MSANTD1: variants seen among roughly 807,000 people sequenced by gnomAD.
MSANTD1 encodes Myb/SANT DNA binding domain containing 1.
MSANTD1 carries 7 observed loss-of-function variants against 24.2 expected under a neutral mutation model. The observed-to-expected ratio is 0.29, with a 90% CI of 0.16 to 0.54. MSANTD1 has a LOEUF of 0.54. MSANTD1 is among the 20% of genes least tolerant of loss of function. MSANTD1 has a pLI of 0.94. For missense variants in MSANTD1, 384 were observed against 408.2 expected (o/e 0.94, Z 0.51); for synonymous variants, 177 against 181.1 (o/e 0.98, Z 0.18).
chr4:3,255,715 G>A lies in MSANTD1; in HGVS notation c.597-10G>A. ...GGCCAGCACGTCCACAGCCGGCACT[G>A]TCCTTCCAGGTCGGAGGAGCGGCCG... On this transcript the variant is annotated splice_polypyrimidine_tract_variant and intron_variant, in intron 2 of 2. Coordinates refer to ENST00000438480, the MANE Select transcript of MSANTD1 (RefSeq NM_001042690.2). The A allele has an allele frequency of 6.5e-7, 1 of 1,530,916 alleles. No homozygotes were observed. 94.8% of individuals were successfully genotyped at this position (1,530,916 alleles called of 1,614,324 possible).
Position 3,256,139 on chromosome 4 carries a change from C to G in MSANTD1, c.*174C>G. The G allele has an allele frequency of 2.7e-6, 2 of 729,408 alleles. No individual in the cohort carries two copies. The highest frequency in any genetic ancestry group is 4.1e-6 in the Non-Finnish European group (2 of 488,292). The allele number at this position is 729,408 out of a possible 1,614,324, so 45.2% of individuals were successfully genotyped here. ...AGGGGTATTTTGAGGAACCCCCAGG[C>G]CCTGGGGACCGTGAGGCTCCAGTCT... On this transcript the variant is annotated 3_prime_UTR_variant, in exon 3 of 3. Transcript: ENST00000438480.
intron 1 of MSANTD1, among the ~76,000 whole-genome samples, chr4:3,251,858 AAGT>A (rs998596776): frequency 6.6e-6 from 1 of 152,108 alleles, no homozygotes; most frequent in African/African-American, 2.4e-5. Flanking sequence ...GGGCTGGCTC[AAGT>A]AGGGCAGAGA....
At chr4:3,255,643 G>A in intron 2 of MSANTD1, 82 bp from the exon 3 acceptor site, 1 of 1,428,926 alleles carries the variant, frequency 7.0e-7, no homozygotes, top group Non-Finnish European at 9.2e-7. Context: ...TGCCCAGTAG[G>A]ATTGTCGGGA....
intron 2 of MSANTD1, among the ~76,000 whole-genome samples, chr4:3,253,992 A>G (rs951310285): frequency 3.9e-5 from 6 of 151,992 alleles, no homozygotes; most frequent in Non-Finnish European, 8.8e-5. Flanking sequence ...TCTGCCATCC[A>G]TCCCACACCT....
At chr4:3,254,044 T>C (rs1476589293) in intron 2 of MSANTD1, among the ~76,000 whole-genome samples, 2 of 152,206 alleles carry the variant, frequency 1.3e-5, no homozygotes, top group Non-Finnish European at 1.5e-5. Flanking sequence ...GCCTGCAAGA[T>C]GCTCACAGGG....
chr4:3,253,424 G>A lies in MSANTD1; in HGVS notation c.538G>A (p.Gly180Ser). 6.3e-7 allele frequency: 1 copy of A among 1,593,286 alleles called. No homozygotes were observed. The highest frequency in any genetic ancestry group is 1.1e-5 in the South Asian group (1 of 87,248). The change falls in exon 2 of 3, where the codon GGC becomes AGC. Residue 180 changes from glycine (G) to serine (S), a missense_variant. Transcript: ENST00000438480. The stretch of plus-strand genomic sequence containing the variant: ...CCCGTATAACCAGTGCTCCTACGAA[G>A]GCCGCTTCGAGGATGATCGCTCCGA... ...YFPYNQCSYEGRFEDDRSDSS... is the reference protein window; with the variant it reads ...YFPYNQCSYESRFEDDRSDSS...
rs149691891 is a variant in MSANTD1 at position 3,250,333 on chromosome 4, C to T, written c.320+791C>T. Among the ~76,000 whole-genome samples the T allele has an allele frequency of 3.4e-3, 522 of 152,282 alleles. 1 individual carries two copies. The highest frequency in any genetic ancestry group is 6.8e-3 in the Middle Eastern group (2 of 294). ...CTGCAGGGAAGGCCGGAGGGGACCACCCAGCCAGGGAGATGTTGGCGTCTA... is the reference window on the plus strand; with the variant it reads ...CTGCAGGGAAGGCCGGAGGGGACCATCCAGCCAGGGAGATGTTGGCGTCTA... On this transcript the variant is annotated intron_variant, in intron 1 of 2. Transcript: ENST00000438480.
At chr4:3,252,645 A>G (rs2110321346) in intron 1 of MSANTD1, among the ~76,000 whole-genome samples, 1 of 152,360 alleles carries the variant, frequency 6.6e-6, no homozygotes. Context: ...AACCTGCCCA[A>G]AGTCACACAG....
Position 3,249,338 on chromosome 4 carries a change from A to G in MSANTD1, c.116A>G (p.Lys39Arg). Residue 39 changes from lysine to arginine, a missense_variant, in exon 1 of 3, where the codon AAG (lysine) becomes AGG (arginine). By Grantham distance (26) the Lys-to-Arg change is conservative (BLOSUM62 2). Transcript: ENST00000438480. ...TACCTCGTGTCTCCCCAGGCGGAGAAGCACCGGCGGGCCCGCAACTGGACG... is the reference window on the plus strand; with the variant it reads ...TACCTCGTGTCTCCCCAGGCGGAGAGGCACCGGCGGGCCCGCAACTGGACG... ...PGYLVSPQAE[K>R]HRRARNWTDA... The G allele has an allele frequency of 2.6e-6, 4 of 1,556,606 alleles. 1 individual carries two copies. In the South Asian group the frequency reaches 4.7e-5, roughly 18 times the overall value.
At chr4:3,251,042 G>A (rs1251670663) in intron 1 of MSANTD1, among the ~76,000 whole-genome samples, 1 of 152,250 alleles carries the variant, frequency 6.6e-6, no homozygotes, top group Non-Finnish European at 1.5e-5. Flanking sequence ...CGGGACCTAG[G>A]GTGCTGAGCA....
upstream of MSANTD1, chr4:3,246,571 C>G (rs1249168039): frequency 4.7e-6 from 3 of 643,632 alleles, no homozygotes; most frequent in Non-Finnish European, 8.4e-6. Context: ...CGAGGCCTGA[C>G]CTGCCCCTTC....
At chr4:3,244,769 T>C (rs919326568), upstream of MSANTD1, 2 of 152,278 alleles carry the variant, frequency 1.3e-5, no homozygotes, top group African/African-American at 4.8e-5. Context: ...TTCTGGCTAA[T>C]TGGCAGGGGT....
upstream of MSANTD1, chr4:3,249,142 C>G: frequency 7.9e-7 from 1 of 1,258,482 alleles, no homozygotes; most frequent in Non-Finnish European, 1.0e-6. Context: ...AAGCTTTTAA[C>G]TAAATTCCTG....
At chr4:3,255,592 GAGTA>G in intron 2 of MSANTD1, 129 bp from the exon 3 acceptor site, 1 of 1,206,092 alleles carries the variant, frequency 8.3e-7, no homozygotes, top group Non-Finnish European at 1.1e-6. Flanking sequence ...ATGAGACCCT[GAGTA>G]AGTGACCTGA....
upstream of MSANTD1, chr4:3,246,512 C>T (rs1722032478): frequency 2.2e-5 from 12 of 546,468 alleles, no homozygotes; most frequent in Non-Finnish European, 3.6e-5. Flanking sequence ...AGCCTGAGCC[C>T]AGCAGGGCCC....
At chr4:3,246,800 G>A, upstream of MSANTD1, 1 of 579,064 alleles carries the variant, frequency 1.7e-6, no homozygotes, top group East Asian at 3.1e-5. Flanking sequence ...TGAGGGCTCT[G>A]CCTCGGGAAA....
rs767420976 is a variant in MSANTD1 at position 3,249,279 on chromosome 4, C to G, written c.57C>G (p.Gly19=). 4 of 1,515,768 alleles carry G rather than the reference C, an allele frequency of 2.6e-6. No homozygotes were observed. In the African/African-American group the frequency reaches 4.1e-5, roughly 16 times the overall value. The allele number at this position is 1,515,768 out of a possible 1,614,324, so 93.9% of individuals were successfully genotyped here. A position where few individuals can be genotyped will look rare whatever the true frequency, so the allele number is the denominator to read the frequency against. ...PSLSALSHPT[G]ASGMAAAEGP... is the part of the protein sequence containing the mutation. Reference sequence around the variant, plus strand: ...TGAGCGCGCTCTCTCACCCCACAGGCGCCTCCGGCATGGCGGCGGCCGAGG... The same window carrying G: ...TGAGCGCGCTCTCTCACCCCACAGGGGCCTCCGGCATGGCGGCGGCCGAGG... Residue 19 remains glycine (G), a synonymous_variant, in exon 1 of 3, where the codon GGC becomes GGG. Coordinates refer to ENST00000438480, the MANE Select transcript of MSANTD1 (RefSeq NM_001042690.2).
chr4:3,255,714 T>C lies in MSANTD1; in HGVS notation c.597-11T>C, dbSNP rs1722364008. 2 of 1,528,928 alleles carry C rather than the reference T, an allele frequency of 1.3e-6. No individual in the cohort carries two copies. Among genetic ancestry groups the C allele is most frequent in the Non-Finnish European group, 1.8e-6 (2 of 1,136,504 alleles). 94.7% of individuals were successfully genotyped at this position (1,528,928 alleles called of 1,614,324 possible). On this transcript the variant is annotated splice_polypyrimidine_tract_variant and intron_variant, in intron 2 of 2. Transcript: ENST00000438480. ...TGGCCAGCACGTCCACAGCCGGCACTGTCCTTCCAGGTCGGAGGAGCGGCC... is the reference window on the plus strand; with the variant it reads ...TGGCCAGCACGTCCACAGCCGGCACCGTCCTTCCAGGTCGGAGGAGCGGCC...
rs761521580 is a variant in MSANTD1 at position 3,249,318 on chromosome 4, C to T, written c.96C>T (p.Leu32=). The change falls in exon 1 of 3, where the codon CTC becomes CTT. Residue 32 remains leucine (L), a synonymous_variant. Coordinates refer to ENST00000438480, the MANE Select transcript of MSANTD1 (RefSeq NM_001042690.2). ...CGGCGGCCGAGGGGCCCGGCTACCT[C>T]GTGTCTCCCCAGGCGGAGAAGCACC... The part of the protein sequence containing the change: ...GMAAAEGPGY[L]VSPQAEKHRR... 6.8e-5 allele frequency: 105 copies of T among 1,544,116 alleles called. No individual in the cohort carries two copies. Among genetic ancestry groups the T allele is most frequent in the Non-Finnish European group, 8.1e-5 (93 of 1,141,562 alleles).
Sources: allele counts gnomAD v4.1 joint callset (sites outside exome capture counted in the v4.1 genomes callset), GRCh38; gene constraint gnomAD v4.1.1; transcripts MANE v1.5; gene names NCBI Gene and HGNC (gene_info 2026-07-23, HGNC 2026-07-21).